Variants in LRP1B observed in about 807,000 individuals in gnomAD.
LRP1B encodes the protein LDL receptor related protein 1B, also known as low-density lipoprotein receptor-related protein 1B.
Under a neutral mutation model 556.6 loss-of-function variants are expected in LRP1B, and 217 were observed. The observed-to-expected ratio is 0.39, with a 90% confidence interval of 0.35 to 0.44. LRP1B has a LOEUF of 0.44. Among genes scored for constraint, LRP1B ranks in the 20% least tolerant of loss-of-function variants. The probability of loss-of-function intolerance (pLI) is 1.00; values close to 1 mark genes in which losing one functional copy is unlikely to be tolerated. For missense variants in LRP1B, 5,053 were observed against 5,620.8 expected (o/e 0.90, Z 3.23); for synonymous variants, 2,047 against 1,865.8 (o/e 1.10, Z -2.50).
In LRP1B at chr2:141,329,668, ATCTC is replaced by A. The variant is rs1158835420; in HGVS notation, c.344-75031_344-75028del. Among the ~76,000 whole-genome samples, 417 of 142,400 alleles carry A rather than the reference ATCTC, an allele frequency of 2.9e-3. 1 individual carries two copies. Among genetic ancestry groups the A allele is most frequent in the African/African-American group, 0.011 (400 of 35,064 alleles). 93.4% of individuals were successfully genotyped at this position (142,400 alleles called of 152,430 possible). ...CAAAAAAAAAAAAAAAAAAAAAACT[ATCTC>A]TCTCTCTATCTATCTGTTCGAGGCT... On this transcript the variant is annotated intron_variant, in intron 3 of 90. Coordinates refer to ENST00000389484, the MANE Select transcript of LRP1B (RefSeq NM_018557.3).
intron 1 of LRP1B, among the ~76,000 whole-genome samples, chr2:142,018,786 G>A (rs1278365692): frequency 4.0e-5 from 6 of 148,444 alleles, no homozygotes; most frequent in South Asian, 2.1e-4. Context: ...CCTGACTTAC[G>A]CTTTTTTTTT....
At chr2:141,486,798 T>C (rs572980769) in intron 2 of LRP1B, among the ~76,000 whole-genome samples, 56 of 28,782 alleles carry the variant, frequency 1.9e-3, no homozygotes, top group Middle Eastern at 0.017. Flanking sequence ...GTATCCCTTT[T>C]TGCCTACTGA....
At chr2:140,503,747 G>T (rs1181072818) in intron 53 of LRP1B, among the ~76,000 whole-genome samples, 1 of 151,894 alleles carries the variant, frequency 6.6e-6, no homozygotes, top group African/African-American at 2.4e-5. Flanking sequence ...TTTCAACATT[G>T]TTTTATAAGA....
intron 2 of LRP1B, among the ~76,000 whole-genome samples, chr2:141,689,286 C>A (rs1691427115): frequency 6.6e-6 from 1 of 151,658 alleles, no homozygotes; most frequent in African/African-American, 2.4e-5. Flanking sequence ...GTAATTTATC[C>A]AAGGTAGACT....
At chr2:140,724,681 TTTG>T (rs1480902404) in intron 35 of LRP1B, among the ~76,000 whole-genome samples, 4 of 152,160 alleles carry the variant, frequency 2.6e-5, no homozygotes, top group Admixed American at 1.3e-4. Context: ...ATGCTGGAAT[TTTG>T]TTGTTGTTGG....
At chr2:140,322,817 T>TTTTTTC (rs1216071679) in intron 81 of LRP1B, among the ~76,000 whole-genome samples, 1 of 152,000 alleles carries the variant, frequency 6.6e-6, no homozygotes, top group African/African-American at 2.4e-5. Flanking sequence ...GAGAGTGGCT[T>TTTTTTC]TTTTTCTGGA....
chr2:141,308,042 TG>T (rs1395350564), intron 3 of LRP1B, among the ~76,000 whole-genome samples: 1 of 152,196 alleles, frequency 6.6e-6, no homozygotes, highest in Non-Finnish European at 1.5e-5. Context: ...TGCTACCTTA[TG>T]GTCTTCAGAA....
intron 32 of LRP1B, among the ~76,000 whole-genome samples, chr2:140,777,243 T>C (rs1327969984): frequency 6.6e-6 from 1 of 152,244 alleles, no homozygotes; most frequent in African/African-American, 2.4e-5. Context: ...TATTTTTACA[T>C]GTAATACCAC....
At chr2:142,025,945 T>C (rs1703487291) in intron 1 of LRP1B, among the ~76,000 whole-genome samples, 1 of 152,034 alleles carries the variant, frequency 6.6e-6, no homozygotes, top group Admixed American at 6.6e-5. Flanking sequence ...AAATTTTCAC[T>C]CTCCATTGCC....
At chr2:140,590,458 A>G (rs1382599499) in intron 43 of LRP1B, among the ~76,000 whole-genome samples, 1 of 151,832 alleles carries the variant, frequency 6.6e-6, no homozygotes, top group South Asian at 2.1e-4. Context: ...TCCCAATATG[A>G]CTGTACTTGG....
At chr2:141,425,651 T>C (rs1342077274) in intron 3 of LRP1B, among the ~76,000 whole-genome samples, 2 of 150,718 alleles carry the variant, frequency 1.3e-5, no homozygotes, top group Non-Finnish European at 3.0e-5. Context: ...GGTTTTGATT[T>C]GCATTTCTCT....
chr2:141,401,270 C>T (rs549158323), intron 3 of LRP1B, among the ~76,000 whole-genome samples: 49 of 152,158 alleles, frequency 3.2e-4, no homozygotes, highest in Non-Finnish European at 6.2e-4. Flanking sequence ...ATGTAACACA[C>T]ACAAAAGAAA....
At chr2:141,054,092 T>C (rs1375468128) in intron 10 of LRP1B, among the ~76,000 whole-genome samples, 1 of 152,044 alleles carries the variant, frequency 6.6e-6, no homozygotes, top group Non-Finnish European at 1.5e-5. Context: ...TAGTTTGGAC[T>C]CTTTGATTCT....
chr2:141,302,684 C>T (rs1317119631), intron 3 of LRP1B, among the ~76,000 whole-genome samples: 3 of 152,036 alleles, frequency 2.0e-5, no homozygotes, highest in African/African-American at 4.8e-5. Context: ...TCCTTTTTCT[C>T]ATGTTGATCT....
rs375514130 is a variant in LRP1B, at chr2:140,385,991, G to A, written c.10433C>T (p.Pro3478Leu). ...GTTGTTTTTACACTGGAATTCATGA[G>A]GTCCACAAGTCTTTTTATCTGTAAT... Reference protein sequence around the residue: ...EANCDKKTCGPHEFQCKNNNC... With the variant: ...EANCDKKTCGLHEFQCKNNNC... Residue 3478 changes from proline (P) to leucine (L), a missense_variant, in exon 67 of 91, where the codon CCT (proline) becomes CTT (leucine). Transcript: ENST00000389484. 6.2e-6 allele frequency: 10 copies of A among 1,610,692 alleles called. No individual in the cohort carries two copies. The highest frequency in any genetic ancestry group is 2.2e-5 in the South Asian group (2 of 90,942).
intron 3 of LRP1B, among the ~76,000 whole-genome samples, chr2:141,354,227 C>A (rs1255848746): frequency 6.6e-6 from 1 of 151,872 alleles, no homozygotes; most frequent in Non-Finnish European, 1.5e-5. Context: ...AAAAGAAATG[C>A]AAATCAGGTC....
intron 23 of LRP1B, among the ~76,000 whole-genome samples, chr2:140,895,576 T>C (rs967932319): frequency 6.6e-6 from 1 of 152,162 alleles, no homozygotes; most frequent in South Asian, 2.1e-4. Flanking sequence ...CTCTTTTACT[T>C]TGCTGTCCCT....
intron 35 of LRP1B, among the ~76,000 whole-genome samples, chr2:140,727,395 A>G (rs1012432421): frequency 4.6e-5 from 7 of 152,174 alleles, no homozygotes; most frequent in Middle Eastern, 3.2e-3. Flanking sequence ...CCACACGTAT[A>G]TCACCCATTT....
intron 41 of LRP1B, among the ~76,000 whole-genome samples, chr2:140,678,864 G>A (rs142278729): frequency 0.01 from 1,498 of 148,988 alleles, 27 homozygotes; most frequent in African/African-American, 0.034. Flanking sequence ...TGCAACCTCC[G>A]CCTCCCATGT....
Sources: gnomAD v4.1 joint callset for allele counts (sites outside exome capture counted in the v4.1 genomes callset) on GRCh38, gnomAD v4.1.1 for gene constraint, MANE v1.5 for transcripts, NCBI Gene and HGNC (gene_info 2026-07-23, HGNC 2026-07-21) for gene names.